The following NPAS3 variants were observed in gnomAD, a reference collection of about 807,000 sequenced individuals.
The protein encoded by NPAS3 is neuronal PAS domain-containing protein 3.
NPAS3 carries 14 observed loss-of-function variants against 73.1 expected under a neutral mutation model. The ratio of observed to expected loss-of-function variants is 0.19; its 90% CI spans 0.13 to 0.30. NPAS3 has a LOEUF of 0.30. NPAS3 is among the 10% of genes least tolerant of loss of function. The pLI is 1.00. For synonymous variants in NPAS3, 620 were observed against 541.5 expected (o/e 1.14, Z -2.01); for missense variants, 1,096 against 1,250.0 (o/e 0.88, Z 1.86).
chr14:33,408,221 G>T (rs541659706), intron 4 of NPAS3, among the ~76,000 whole-genome samples: 3 of 152,088 alleles, frequency 2.0e-5, no homozygotes, highest in Non-Finnish European at 4.4e-5. Context: ...GTTCTCAGGA[G>T]TTCACTCTCC....
chr14:33,713,200 C>T (rs2060870403), intron 6 of NPAS3, among the ~76,000 whole-genome samples: 4 of 152,166 alleles, frequency 2.6e-5, no homozygotes, highest in East Asian at 3.9e-4. Flanking sequence ...TACAAGGTCT[C>T]ATATAGTAAG....
At chr14:33,273,173 T>C (rs1231875600) in intron 3 of NPAS3, among the ~76,000 whole-genome samples, 1 of 152,118 alleles carries the variant, frequency 6.6e-6, no homozygotes, top group Non-Finnish European at 1.5e-5. Flanking sequence ...GGCTGTCCCC[T>C]GACTCCCCCG....
At chr14:33,067,580 C>T (rs192982354) in intron 2 of NPAS3, among the ~76,000 whole-genome samples, 223 of 152,350 alleles carry the variant, frequency 1.5e-3, no homozygotes, top group Non-Finnish European at 2.3e-3. Context: ...GTAAGCACTC[C>T]CATGAGCATT....
At position 33,568,574 on chromosome 14, in the gene NPAS3, A is replaced by G. The variant is rs1039421205; in HGVS notation, c.558+8364A>G. 2.0e-5 allele frequency among the ~76,000 whole-genome samples: 3 copies of G among 152,318 alleles called. No individual in the cohort carries two copies. The South Asian group carries it at 6.2e-4, about 32-fold the overall frequency. On this transcript the variant is annotated intron_variant, in intron 5 of 11. Transcript: ENST00000356141. ...TGATGAGTGAATGCAAACTGCTCATATGAAGAAAAAGAAATAACTTGACCT... is the reference window on the plus strand; with the variant it reads ...TGATGAGTGAATGCAAACTGCTCATGTGAAGAAAAAGAAATAACTTGACCT...
At chr14:33,202,848 C>A (rs1458138560) in intron 2 of NPAS3, among the ~76,000 whole-genome samples, 1 of 151,868 alleles carries the variant, frequency 6.6e-6, no homozygotes, top group Non-Finnish European at 1.5e-5. Context: ...CTGGAAAATT[C>A]TTTGTTTAAG....
intron 6 of NPAS3, among the ~76,000 whole-genome samples, chr14:33,724,584 G>A (rs537722831): frequency 6.6e-6 from 1 of 152,128 alleles, no homozygotes; most frequent in South Asian, 2.1e-4. Flanking sequence ...AGCTAGCTGT[G>A]ATTGTACCAC....
intron 2 of NPAS3, among the ~76,000 whole-genome samples, chr14:33,094,910 C>G (rs1196871448): frequency 1.3e-5 from 2 of 152,126 alleles, no homozygotes; most frequent in African/African-American, 4.8e-5. Flanking sequence ...ACATGTGTAT[C>G]TTGTTTTCAC....
chr14:33,362,698 T>C (rs891645052), intron 3 of NPAS3, among the ~76,000 whole-genome samples: 4 of 152,232 alleles, frequency 2.6e-5, no homozygotes, highest in African/African-American at 9.6e-5. Flanking sequence ...GCATGAAGCC[T>C]GCCTTTTTGC....
At chr14:33,523,880 A>G (rs550907412) in intron 4 of NPAS3, among the ~76,000 whole-genome samples, 1 of 152,240 alleles carries the variant, frequency 6.6e-6, no homozygotes, top group East Asian at 1.9e-4. Context: ...GACCTCCCTT[A>G]TATGTGTGGG....
chr14:33,782,590 A>T (rs1255162986), intron 9 of NPAS3, among the ~76,000 whole-genome samples: 2 of 152,180 alleles, frequency 1.3e-5, no homozygotes, highest in Non-Finnish European at 2.9e-5. Flanking sequence ...CTTTCTCTTT[A>T]TGATGTTCTG....
intron 4 of NPAS3, among the ~76,000 whole-genome samples, chr14:33,429,585 C>T (rs1566895397): frequency 1.3e-5 from 2 of 152,108 alleles, no homozygotes. Context: ...CAAGGTACTT[C>T]CTTTTGACCA....
At chr14:33,701,351 C>G (rs1189583457) in intron 6 of NPAS3, among the ~76,000 whole-genome samples, 1 of 152,152 alleles carries the variant, frequency 6.6e-6, no homozygotes, top group African/African-American at 2.4e-5. Context: ...AAAGTCTGTC[C>G]TTATTAAAGC....
intron 1 of NPAS3, among the ~76,000 whole-genome samples, chr14:32,952,229 C>CA (rs1183397258): frequency 6.6e-6 from 1 of 152,014 alleles, no homozygotes; most frequent in Non-Finnish European, 1.5e-5. Context: ...CTCAGTTCTA[C>CA]AAAAGGTAAT....
rs540470589 is a variant in NPAS3 at position 33,752,350 on chromosome 14, T to G, written c.852+17018T>G. 2.0e-5 allele frequency among the ~76,000 whole-genome samples: 3 copies of G among 152,266 alleles called. No homozygotes were observed. In the South Asian group the frequency reaches 6.2e-4, roughly 32 times the overall value. ...TCACCATAAAGCTAGTGTAACCCCATGGAGTACACTCCCAAGCCATGCAAG... is the reference window on the plus strand; with the variant it reads ...TCACCATAAAGCTAGTGTAACCCCAGGGAGTACACTCCCAAGCCATGCAAG... On this transcript the variant is annotated intron_variant, in intron 7 of 11. Transcript: ENST00000356141.
exon 9 of NPAS3, chr14:33,778,549 G>C (rs1403923713): frequency 6.2e-7 from 1 of 1,613,234 alleles, no homozygotes; most frequent in Admixed American, 1.7e-5. Context: ...GACGTGGAGG[G>C]CATCAGGCAC....
chr14:33,602,631 T>A (rs969562082), intron 5 of NPAS3, among the ~76,000 whole-genome samples: 4 of 152,196 alleles, frequency 2.6e-5, no homozygotes, highest in Non-Finnish European at 2.9e-5. Context: ...AGTAAAGTTT[T>A]TTTTTCATCC....
intron 3 of NPAS3, among the ~76,000 whole-genome samples, chr14:33,307,780 C>G (rs192284718): frequency 6.6e-6 from 1 of 152,260 alleles, no homozygotes; most frequent in Non-Finnish European, 1.5e-5. Flanking sequence ...CTTATTTTCT[C>G]ATTTCATCAC....
chr14:33,085,333 C>A (rs4982045), intron 2 of NPAS3, among the ~76,000 whole-genome samples: 65,952 of 152,052 alleles, frequency 0.43, 15,966 homozygotes, highest in African/African-American at 0.67. Context: ...ATGTTCTGTC[C>A]TGGAAGAGGG....
intron 4 of NPAS3, among the ~76,000 whole-genome samples, chr14:33,455,122 A>T (rs2049969694): frequency 6.6e-6 from 1 of 152,358 alleles, no homozygotes; most frequent in Middle Eastern, 3.4e-3. Flanking sequence ...AAGATGTACC[A>T]TAATATTTGC....
Sources: gnomAD v4.1 joint callset for allele counts (sites outside exome capture counted in the v4.1 genomes callset) on GRCh38, gnomAD v4.1.1 for gene constraint, MANE v1.5 for transcripts, NCBI Gene and HGNC (gene_info 2026-07-23, HGNC 2026-07-21) for gene names.